MPDZ: variants seen among roughly 807,000 people sequenced by gnomAD.
The protein encoded by MPDZ is multiple PDZ domain crumbs cell polarity complex component.
MPDZ carries 234 observed loss-of-function variants against 239.1 expected under a neutral mutation model. The observed-to-expected ratio is 0.98, with a 90% CI of 0.88 to 1.09. The LOEUF is 1.09. MPDZ is among the 50% of genes least tolerant of loss of function. The probability of loss-of-function intolerance (pLI) is 0.00; values close to 1 mark genes in which losing one functional copy is unlikely to be tolerated. For synonymous variants in MPDZ, 1,048 were observed against 881.3 expected (o/e 1.19, Z -3.35); for missense variants, 3,175 against 2,510.0 (o/e 1.26, Z -5.66).
chr9:13,134,099 T>C (rs1187174657), intron 31 of MPDZ, 195 bp from the exon 32 acceptor site: 1 of 235,620 alleles, frequency 4.2e-6, no homozygotes, highest in Non-Finnish European at 7.9e-6. Context: ...TAACATTCTA[T>C]GGAATTTATG....
intron 26 of MPDZ, 119 bp from the exon 27 acceptor site, chr9:13,143,683 A>AT: frequency 1.3e-6 from 1 of 774,342 alleles, no homozygotes; most frequent in South Asian, 1.5e-5. Flanking sequence ...ATCCTATCAG[A>AT]TCCAGTCATT....
At chr9:13,220,479 G>A (rs1224666034) in intron 7 of MPDZ, among the ~76,000 whole-genome samples, 1 of 151,900 alleles carries the variant, frequency 6.6e-6, no homozygotes, top group Non-Finnish European at 1.5e-5. Flanking sequence ...GTGATATGCA[G>A]ACAGCTACAA....
At position 13,262,076 on chromosome 9, in the gene MPDZ, A is replaced by G. The variant is rs534117910; in HGVS notation, c.-57-11704T>C. Among the ~76,000 whole-genome samples the G allele has an allele frequency of 2.0e-5, 3 of 151,894 alleles. 1 individual carries two copies. In the East Asian group the frequency reaches 5.8e-4, roughly 29 times the overall value. ...ATGAAAATTAAAAATTAAAAAAAAA[A>G]GGAATGTGAGCTCTGACAAATTTTC... is the stretch of plus-strand genomic sequence containing the variant. On this transcript the variant is annotated intron_variant, in intron 1 of 46. Coordinates refer to ENST00000319217, the MANE Select transcript of MPDZ (RefSeq NM_001378778.1).
chr9:13,183,687 AT>A (rs1953700441), intron 18 of MPDZ, 102 bp from the exon 19 acceptor site: 1 of 1,125,032 alleles, frequency 8.9e-7, no homozygotes, highest in Admixed American at 2.2e-5. Context: ...TCATTCTTTT[AT>A]CTATTGTATT....
intron 5 of MPDZ, 67 bp from the exon 6 acceptor site, chr9:13,222,513 G>A (rs1959186560): frequency 8.0e-7 from 1 of 1,253,628 alleles, no homozygotes; most frequent in African/African-American, 1.5e-5. Context: ...AGCTTCTTTG[G>A]CATGTATGTT....
rs1941433080 is a variant in MPDZ, at chr9:13,106,135, C to T, written c.*830G>A. On this transcript the variant is annotated 3_prime_UTR_variant, in exon 47 of 47. Coordinates refer to ENST00000319217, the MANE Select transcript of MPDZ (RefSeq NM_001378778.1). ...GTTGCATCGGTTGTTAAAACCAGCA[C>T]TAAAGATTCTGGAACCCTTCTATGT... is the stretch of plus-strand genomic sequence containing the variant. The T allele has an allele frequency of 6.6e-6, 1 of 152,118 alleles. No homozygotes were observed. The highest frequency in any genetic ancestry group is 1.5e-5 in the Non-Finnish European group (1 of 68,020). 9.4% of individuals were successfully genotyped at this position (152,118 alleles called of 1,614,324 possible). A position where few individuals can be genotyped will look rare whatever the true frequency, so the allele number is the denominator to read the frequency against.
chr9:13,189,129 C>T (rs955450980), intron 16 of MPDZ, 136 bp from the exon 17 acceptor site: 18 of 730,972 alleles, frequency 2.5e-5, no homozygotes, highest in Non-Finnish European at 3.7e-5. Flanking sequence ...AAAATCCATA[C>T]AAAATTTCTA....
At chr9:13,174,499 G>C (rs73406280) in intron 21 of MPDZ, among the ~76,000 whole-genome samples, 27 of 152,206 alleles carry the variant, frequency 1.8e-4, no homozygotes, top group African/African-American at 6.5e-4. Context: ...TAATCTCTTA[G>C]TGATTCACAA....
chr9:13,267,501 A>G (rs1475965918), intron 1 of MPDZ, among the ~76,000 whole-genome samples: 2 of 152,122 alleles, frequency 1.3e-5, no homozygotes, highest in Non-Finnish European at 2.9e-5. Context: ...CTTCTTTTCC[A>G]TTGCTGAAAA....
intron 12 of MPDZ, among the ~76,000 whole-genome samples, chr9:13,200,903 G>A (rs966730790): frequency 2.0e-4 from 31 of 151,974 alleles, no homozygotes; most frequent in Non-Finnish European, 3.4e-4. Flanking sequence ...TGGACGGAAC[G>A]TTCTGTAAAT....
At chr9:13,136,621 C>G in intron 30 of MPDZ, 91 bp downstream of exon 30, 1 of 890,808 alleles carries the variant, frequency 1.1e-6, no homozygotes, top group South Asian at 1.5e-5. Flanking sequence ...CCAGCATGCC[C>G]GGCTACAAAT....
Position 13,112,004 on chromosome 9 carries a change from G to C in MPDZ, c.5724+20C>G, listed in dbSNP as rs754294395. The C allele has an allele frequency of 3.1e-6, 5 of 1,611,904 alleles. No individual in the cohort carries two copies. The highest frequency in any genetic ancestry group is 4.2e-6 in the Non-Finnish European group (5 of 1,178,610). Reference sequence around the variant, plus strand: ...TCTGCACATTTTGCTAGGGCTTCTAGGGTTGATAGTACGACTCACTCTGAG... The same window carrying C: ...TCTGCACATTTTGCTAGGGCTTCTACGGTTGATAGTACGACTCACTCTGAG... On this transcript the variant is annotated intron_variant, in intron 43 of 46. Coordinates refer to ENST00000319217, the MANE Select transcript of MPDZ (RefSeq NM_001378778.1).
chr9:13,247,056 T>G (rs2137728936), intron 3 of MPDZ, among the ~76,000 whole-genome samples: 1 of 152,352 alleles, frequency 6.6e-6, no homozygotes, highest in African/African-American at 2.4e-5. Context: ...AAAAAAGCAC[T>G]GTGTTACATT....
chr9:13,156,635 C>T (rs932208292), intron 24 of MPDZ, among the ~76,000 whole-genome samples: 1 of 152,136 alleles, frequency 6.6e-6, no homozygotes, highest in African/African-American at 2.4e-5. Context: ...ATTATGGGAG[C>T]TACAAGATGA....
intron 9 of MPDZ, 89 bp from the exon 10 acceptor site, chr9:13,216,951 T>A: frequency 1.0e-6 from 1 of 1,000,236 alleles, no homozygotes; most frequent in Non-Finnish European, 1.5e-6. Context: ...AAGCTCTAAT[T>A]CAGAATAAAT....
chr9:13,253,025 C>G (rs1404970862), intron 1 of MPDZ, among the ~76,000 whole-genome samples: 1 of 151,982 alleles, frequency 6.6e-6, no homozygotes, highest in East Asian at 1.9e-4. Flanking sequence ...GAAAAAAATT[C>G]TAAAGATAGA....
chr9:13,133,520 A>C (rs549374383), intron 32 of MPDZ, among the ~76,000 whole-genome samples: 14 of 152,336 alleles, frequency 9.2e-5, no homozygotes, highest in Non-Finnish European at 2.1e-4. Context: ...ACAGATAACT[A>C]AATTTCATAA....
chr9:13,109,879 A>G (rs1465752106), intron 45 of MPDZ, 73 bp downstream of exon 45: 1 of 1,171,160 alleles, frequency 8.5e-7, no homozygotes, highest in African/African-American at 1.5e-5. Context: ...AACATGGGAC[A>G]GAGAACGCAA....
intron 7 of MPDZ, 61 bp from the exon 8 acceptor site, chr9:13,219,829 TA>T: frequency 2.0e-6 from 3 of 1,503,030 alleles, no homozygotes; most frequent in Non-Finnish European, 2.8e-6. Context: ...AGATAAATCC[TA>T]AATGAGAAGG....
Sources: allele counts gnomAD v4.1 joint callset (sites outside exome capture counted in the v4.1 genomes callset), GRCh38; gene constraint gnomAD v4.1.1; transcripts MANE v1.5; gene names NCBI Gene and HGNC (gene_info 2026-07-23, HGNC 2026-07-21).